Variants in HM13 observed in about 807,000 individuals in gnomAD.
HM13 encodes signal peptide peptidase.
In HM13, 18 loss-of-function variants were observed where a neutral mutation model predicts 50.0. The ratio of observed to expected loss-of-function variants is 0.36; its 90% CI spans 0.25 to 0.53. The LOEUF is 0.53. Among genes scored for constraint, HM13 ranks in the 20% least tolerant of loss-of-function variants. The pLI, the probability that HM13 is intolerant of heterozygous loss-of-function variation, is 0.90. For synonymous variants in HM13, 197 were observed against 232.6 expected, an observed-to-expected ratio of 0.85 and a Z score of 1.39; for missense variants, 393 against 552.4, an observed-to-expected ratio of 0.71 and a Z score of 2.89.
rs527304142 is a variant in HM13 at position 31,569,140 on chromosome 20, A to C, written c.1202A>C (p.Lys401Thr). 6.3e-7 allele frequency: 1 copy of C among 1,586,834 alleles called. No homozygotes were observed. Among genetic ancestry groups the C allele is most frequent in the African/African-American group, 1.3e-5 (1 of 74,244 alleles). ...GTCAGTTATGAGGAGTCAAATCCTA[A>C]GGATCCAGCGGCAGTGACAGAATCC... Reference protein sequence around the residue: ...PSAIYEESNPKDPAAVTESKE... With the variant: ...PSAIYEESNPTDPAAVTESKE... The change falls in exon 13 of 13, where the codon AAG becomes ACG. Residue 401 changes from lysine to threonine, a missense_variant. Lys to Thr is a moderately conservative substitution (Grantham distance 78, BLOSUM62 -1). This residue lies in a region of HM13 where 105 missense variants were observed against 115.9 expected (regional missense o/e 0.91). Transcript: ENST00000398174.
intron 4 of HM13, among the ~76,000 whole-genome samples, chr20:31,546,169 C>T (rs1397916193): frequency 1.3e-5 from 2 of 151,582 alleles, no homozygotes; most frequent in African/African-American, 4.8e-5. Context: ...CCTGCCTCAG[C>T]CTCCCGAGTA....
chr20:31,532,583 A>AGATGAT (rs1344437094), intron 2 of HM13, among the ~76,000 whole-genome samples: 1 of 151,408 alleles, frequency 6.6e-6, no homozygotes, highest in Admixed American at 6.6e-5. Context: ...TGCCAGAGGC[A>AGATGAT]GCTGCTTTAA....
At position 31,554,783 on chromosome 20, in the gene HM13, A is replaced by G; in HGVS notation, c.762A>G (p.Glu254=). Residue 254 remains glutamate (E), a synonymous_variant, in exon 8 of 13, where the codon GAA becomes GAG. Transcript: ENST00000398174. Reference sequence around the variant, plus strand: ...AGGATCTGCTGGAGAAAGGCCTCGAAGCAAACAACTTTGCCATGCTGGGAC... The same window carrying G: ...AGGATCTGCTGGAGAAAGGCCTCGAGGCAAACAACTTTGCCATGCTGGGAC... ...FPQDLLEKGL[E]ANNFAMLGLG... is the part of the protein sequence containing the mutation. 1 of 1,614,190 alleles carries G rather than the reference A, an allele frequency of 6.2e-7. No homozygotes were observed. Among genetic ancestry groups the G allele is most frequent in the Non-Finnish European group, 8.5e-7 (1 of 1,180,028 alleles).
intron 7 of HM13, among the ~76,000 whole-genome samples, chr20:31,551,373 A>G (rs1437620616): frequency 6.6e-6 from 1 of 152,156 alleles, no homozygotes; most frequent in East Asian, 1.9e-4. Flanking sequence ...GATGGCTGCC[A>G]CAGCTCCCAG....
intron 4 of HM13, chr20:31,547,500 G>A (rs528818895): frequency 2.9e-6 from 2 of 697,466 alleles, no homozygotes; most frequent in African/African-American, 1.8e-5. Context: ...CTTCACCCTG[G>A]ATCATGTTCA....
chr20:31,565,279 G>A (rs551444370), intron 10 of HM13, among the ~76,000 whole-genome samples: 2 of 151,582 alleles, frequency 1.3e-5, no homozygotes, highest in South Asian at 4.2e-4. Context: ...AGGAGTTCGA[G>A]ACCACCATGG....
rs927903740 is a variant in HM13 at position 31,538,460 on chromosome 20, G to T, written c.365+199G>T. On this transcript the variant is annotated intron_variant, in intron 3 of 12. Transcript: ENST00000398174. ...CTCTCTGGGCCACAGTTTCCTTATA[G>T]ACATGATGAGGATCTGGTGGGTGTT... is the stretch of plus-strand genomic sequence containing the variant. The T allele has an allele frequency of 2.8e-6, 4 of 1,424,206 alleles. No individual in the cohort carries two copies. In the African/African-American group the frequency reaches 5.7e-5, roughly 20 times the overall value. The allele number at this position is 1,424,206 out of a possible 1,614,324, so 88.2% of individuals were successfully genotyped here. A position where few individuals can be genotyped will look rare whatever the true frequency, so the allele number is the denominator to read the frequency against.
chr20:31,556,906 C>A (rs1051056043), intron 8 of HM13, among the ~76,000 whole-genome samples: 2 of 151,610 alleles, frequency 1.3e-5, no homozygotes, highest in African/African-American at 4.8e-5. Flanking sequence ...GTAGTCCCAG[C>A]TACTCGGGAG....
chr20:31,568,047 T>A (rs1373276527), intron 11 of HM13, 31 bp from the exon 12 acceptor site: 1 of 1,553,126 alleles, frequency 6.4e-7, no homozygotes, highest in African/African-American at 1.4e-5. Context: ...TCCATCTCTT[T>A]TTTTCTGTCT....
chr20:31,557,521 T>C (rs759187107), intron 8 of HM13, among the ~76,000 whole-genome samples: 18 of 152,218 alleles, frequency 1.2e-4, no homozygotes, highest in Non-Finnish European at 2.4e-4. Flanking sequence ...CCTGGATTAG[T>C]TGGAGAACAC....
intron 8 of HM13, among the ~76,000 whole-genome samples, chr20:31,558,091 C>T (rs769369917): frequency 8.5e-5 from 13 of 152,212 alleles, no homozygotes; most frequent in South Asian, 2.1e-4. Context: ...ACAGGGTGTG[C>T]GTATAGCACA....
chr20:31,566,176 C>T (rs1238941187), intron 10 of HM13, 34 bp from the exon 11 acceptor site: 1 of 1,571,286 alleles, frequency 6.4e-7, no homozygotes, highest in East Asian at 2.2e-5. Context: ...GTGCCGTGCC[C>T]AGCATGGCTT....
chr20:31,567,151 A>G (rs1249353924), intron 11 of HM13, among the ~76,000 whole-genome samples: 1 of 151,856 alleles, frequency 6.6e-6, no homozygotes, highest in African/African-American at 2.4e-5. Flanking sequence ...GCCTGCCCAC[A>G]TTGCCTCGCC....
At chr20:31,521,146 T>C (rs2122540327) in intron 1 of HM13, among the ~76,000 whole-genome samples, 1 of 152,362 alleles carries the variant, frequency 6.6e-6, no homozygotes, top group East Asian at 1.9e-4. Context: ...CTAGCAACTT[T>C]TTAGTATTTT....
rs1984496391 is a variant in HM13, at chr20:31,559,513, A to G, written c.809-98A>G. 4 of 1,198,498 alleles carry G rather than the reference A, an allele frequency of 3.3e-6. No homozygotes were observed. In the South Asian group the frequency reaches 4.8e-5, roughly 14 times the overall value. The allele number at this position is 1,198,498 out of a possible 1,614,324, so 74.2% of individuals were successfully genotyped here. On this transcript the variant is annotated intron_variant, in intron 8 of 12. Coordinates refer to ENST00000398174, the MANE Select transcript of HM13 (RefSeq NM_178581.3). ...ACCCTTGGTCTCCAATGATTGCTCCAAGATGGAACACCAGGTTGGGGACCA... is the reference window on the plus strand; with the variant it reads ...ACCCTTGGTCTCCAATGATTGCTCCGAGATGGAACACCAGGTTGGGGACCA...
intron 2 of HM13, among the ~76,000 whole-genome samples, chr20:31,529,837 T>C (rs1176008183): frequency 6.6e-6 from 1 of 152,072 alleles, no homozygotes; most frequent in Non-Finnish European, 1.5e-5. Context: ...CATGGTGGCA[T>C]GTGCCTGTAG....
intron 3 of HM13, among the ~76,000 whole-genome samples, chr20:31,543,317 G>A (rs1035215292): frequency 2.0e-5 from 3 of 152,098 alleles, no homozygotes; most frequent in Non-Finnish European, 4.4e-5. Context: ...ACGGAGTCTC[G>A]CTGTGTCGCC....
At chr20:31,542,956 C>T (rs1983527011) in intron 3 of HM13, among the ~76,000 whole-genome samples, 1 of 152,196 alleles carries the variant, frequency 6.6e-6, no homozygotes, top group South Asian at 2.1e-4. Context: ...TTAACTGTCA[C>T]ACTCTGCTGG....
chr20:31,528,654 T>C (rs1298800271), intron 2 of HM13, among the ~76,000 whole-genome samples: 1 of 152,242 alleles, frequency 6.6e-6, no homozygotes, highest in Admixed American at 6.5e-5. Flanking sequence ...AATTTTTGTA[T>C]TTTTAGTAGA....
Sources: allele counts gnomAD v4.1 joint callset (sites outside exome capture counted in the v4.1 genomes callset), GRCh38; gene constraint gnomAD v4.1.1; regional missense constraint gnomAD v4.1.1; transcripts MANE v1.5; gene names NCBI Gene and HGNC (gene_info 2026-07-23, HGNC 2026-07-21).